Variants in ADGRL3 observed in about 807,000 individuals in gnomAD.
ADGRL3 encodes calcium-independent alpha-latrotoxin receptor 3.
A neutral mutation model predicts 153.5 loss-of-function variants in ADGRL3; 62 were observed. That is an observed-to-expected ratio of 0.40 (90% CI 0.33 to 0.50). The LOEUF is 0.50. Ranked by LOEUF, ADGRL3 falls within the 20% of genes least tolerant of loss-of-function variation. ADGRL3 has a pLI of 0.47. For missense variants in ADGRL3, 1,641 were observed against 1,859.4 expected (o/e 0.88, Z 2.16); for synonymous variants, 710 against 672.5 (o/e 1.06, Z -0.86).
intron 9 of ADGRL3, among the ~76,000 whole-genome samples, chr4:61,885,773 A>T (rs180819682): frequency 6.8e-4 from 103 of 152,324 alleles, no homozygotes; most frequent in African/African-American, 2.4e-3. Flanking sequence ...ATTACCAGCT[A>T]TGTAAGCTCG....
chr4:62,021,916 A>T (rs2099240071), intron 21 of ADGRL3, among the ~76,000 whole-genome samples: 1 of 152,090 alleles, frequency 6.6e-6, no homozygotes, highest in Non-Finnish European at 1.5e-5. Flanking sequence ...AGCAATATTG[A>T]AATTAGGCCA....
At chr4:61,929,416 A>G (rs1056924796) in intron 13 of ADGRL3, among the ~76,000 whole-genome samples, 7 of 152,212 alleles carry the variant, frequency 4.6e-5, no homozygotes, top group African/African-American at 1.4e-4. Flanking sequence ...CCACTGGGGT[A>G]TTGATTCTCT....
At chr4:61,720,197 C>A (rs1220324748) in intron 6 of ADGRL3, among the ~76,000 whole-genome samples, 8 of 150,936 alleles carry the variant, frequency 5.3e-5, no homozygotes, top group Middle Eastern at 6.9e-3. Flanking sequence ...TGAAGGGATT[C>A]TTCTGCCTCA....
chr4:61,535,283 A>G (rs938098191), intron 4 of ADGRL3, among the ~76,000 whole-genome samples: 1 of 152,030 alleles, frequency 6.6e-6, no homozygotes, highest in Non-Finnish European at 1.5e-5. Flanking sequence ...CATCCTTGGA[A>G]TAAGACCCAT....
intron 1 of ADGRL3, among the ~76,000 whole-genome samples, chr4:61,314,098 A>G (rs1330189995): frequency 2.0e-5 from 3 of 152,132 alleles, no homozygotes; most frequent in African/African-American, 7.2e-5. Context: ...ATGGAATAAC[A>G]TTGAACAAAA....
intron 9 of ADGRL3, among the ~76,000 whole-genome samples, chr4:61,832,531 A>G (rs912880109): frequency 1.3e-5 from 2 of 152,184 alleles, no homozygotes; most frequent in Non-Finnish European, 2.9e-5. Flanking sequence ...AGACCATCAG[A>G]CCTGGTTCTG....
Position 61,935,022 on chromosome 4 carries a change from T to G in ADGRL3, c.2295T>G (p.Ile765Met). The G allele has an allele frequency of 6.2e-7, 1 of 1,613,092 alleles. No individual in the cohort carries two copies. Residue 765 changes from isoleucine (I) to methionine (M), a missense_variant and splice_region_variant, in exon 14 of 27, where the codon ATT (isoleucine) becomes ATG (methionine). Transcript: ENST00000683033. ...TDIVRENTDN[I>M]KLEVARLSTE... ...TTGTCAGGGAGAATACAGACAATAT[T>G]AGTAAGTGGCCTTTGTTATTCAGAA... is the stretch of plus-strand genomic sequence containing the variant.
intron 5 of ADGRL3, among the ~76,000 whole-genome samples, chr4:61,644,766 T>G (rs2093879971): frequency 1.3e-5 from 2 of 152,154 alleles, no homozygotes; most frequent in Admixed American, 1.3e-4. Context: ...ATTCTGTTGA[T>G]TTGGGGTGGA....
intron 2 of ADGRL3, among the ~76,000 whole-genome samples, chr4:61,438,710 C>CTA (rs547652575): frequency 3.6e-5 from 5 of 137,940 alleles, no homozygotes; most frequent in Non-Finnish European, 6.2e-5. Flanking sequence ...ATCTTTCTTT[C>CTA]TTTTTTTTTT....
At chr4:61,354,445 A>G (rs950672249) in intron 1 of ADGRL3, among the ~76,000 whole-genome samples, 43 of 152,306 alleles carry the variant, frequency 2.8e-4, no homozygotes, top group African/African-American at 9.9e-4. Flanking sequence ...ATTGAAATAA[A>G]TGTTAAAATG....
intron 6 of ADGRL3, among the ~76,000 whole-genome samples, chr4:61,690,619 C>A (rs1353619800): frequency 6.6e-6 from 1 of 152,028 alleles, no homozygotes; most frequent in Non-Finnish European, 1.5e-5. Flanking sequence ...TTACATTTAA[C>A]AAGGTAACAG....
intron 1 of ADGRL3, among the ~76,000 whole-genome samples, chr4:61,260,543 G>A (rs1038221843): frequency 6.6e-6 from 1 of 152,124 alleles, no homozygotes; most frequent in Non-Finnish European, 1.5e-5. Context: ...TAATGTCACT[G>A]AGTCTCATTT....
At chr4:61,787,473 T>C (rs1433322137) in intron 8 of ADGRL3, among the ~76,000 whole-genome samples, 2 of 152,098 alleles carry the variant, frequency 1.3e-5, no homozygotes, top group African/African-American at 2.4e-5. Context: ...TGTATGTTCT[T>C]TACAATTTTA....
At chr4:61,276,398 T>G (rs1007231752) in intron 1 of ADGRL3, among the ~76,000 whole-genome samples, 1 of 152,208 alleles carries the variant, frequency 6.6e-6, no homozygotes, top group African/African-American at 2.4e-5. Context: ...TACATTTGCC[T>G]CCTTTAAACT....
chr4:61,231,986 G>GCT, intron 1 of ADGRL3, among the ~76,000 whole-genome samples: 1 of 151,656 alleles, frequency 6.6e-6, no homozygotes, highest in Non-Finnish European at 1.5e-5. Context: ...AGCATTACTA[G>GCT]ATAGATAAAT....
chr4:61,396,622 A>G (rs1021672108), intron 2 of ADGRL3, among the ~76,000 whole-genome samples: 3 of 151,870 alleles, frequency 2.0e-5, no homozygotes, highest in Non-Finnish European at 4.4e-5. Flanking sequence ...ATGATGAGTA[A>G]CCAACACAAT....
chr4:61,710,513 G>T (rs542023617), intron 6 of ADGRL3, among the ~76,000 whole-genome samples: 4 of 152,254 alleles, frequency 2.6e-5, no homozygotes, highest in African/African-American at 4.8e-5. Context: ...TGCCCAAGTG[G>T]CAAACCAACA....
At chr4:61,332,419 A>G (rs1363909171) in intron 1 of ADGRL3, among the ~76,000 whole-genome samples, 3 of 152,188 alleles carry the variant, frequency 2.0e-5, no homozygotes, top group Non-Finnish European at 4.4e-5. Flanking sequence ...AAAATGTTTT[A>G]GCACATTTAT....
intron 1 of ADGRL3, among the ~76,000 whole-genome samples, chr4:61,352,944 G>A (rs1240240313): frequency 6.6e-6 from 1 of 152,140 alleles, no homozygotes; most frequent in Non-Finnish European, 1.5e-5. Flanking sequence ...TATTCCAAGT[G>A]TGCTAGTATC....
Sources: gnomAD v4.1 joint callset for allele counts (sites outside exome capture counted in the v4.1 genomes callset) on GRCh38, gnomAD v4.1.1 for gene constraint, MANE v1.5 for transcripts, NCBI Gene and HGNC (gene_info 2026-07-23, HGNC 2026-07-21) for gene names.